The following RTL4 variants were observed in gnomAD, a reference collection of about 807,000 sequenced individuals.
The protein encoded by RTL4 is retrotransposon Gag-like protein 4.
In RTL4, 4 loss-of-function variants were observed where a neutral mutation model predicts 5.3. The ratio of observed to expected loss-of-function variants is 0.75; its 90% CI spans 0.37 to 1.72. The LOEUF (loss-of-function observed/expected upper bound fraction) is 1.72. RTL4 is among the 40% of genes most tolerant of loss of function. The probability of loss-of-function intolerance (pLI) is 0.04; values close to 1 mark genes in which losing one functional copy is unlikely to be tolerated. For synonymous variants in RTL4, 98 were observed against 87.3 expected, an observed-to-expected ratio of 1.12 and a Z score of -0.68; for missense variants, 260 against 227.1, an observed-to-expected ratio of 1.14 and a Z score of -0.93.
chrX:112,435,197 A>G, the RTL4 span, among the ~76,000 whole-genome samples: 1 of 111,352 alleles, frequency 9.0e-6, no homozygotes, highest in African/African-American at 3.3e-5. Context: ...AGCCAAAACC[A>G]TATTACTGGG....
chrX:112,110,477 T>C, the RTL4 span, among the ~76,000 whole-genome samples: 1 of 111,804 alleles, frequency 8.9e-6, no homozygotes, highest in Non-Finnish European at 1.9e-5. Context: ...GGCCCTGTGC[T>C]GATGGACTTG....
the RTL4 span, among the ~76,000 whole-genome samples, chrX:112,309,828 A>G: frequency 9.3e-6 from 1 of 107,781 alleles, no homozygotes; most frequent in East Asian, 3.0e-4. Flanking sequence ...ATATACATAT[A>G]TATACATATA....
chrX:112,400,473 C>T, the RTL4 span, among the ~76,000 whole-genome samples: 2 of 111,805 alleles, frequency 1.8e-5, no homozygotes, highest in Non-Finnish European at 3.8e-5. Flanking sequence ...ATACAGTTAA[C>T]TTTAAATGTC....
At chrX:112,449,873 G>A (rs1025443091), upstream of RTL4, among the ~76,000 whole-genome samples, 1 of 112,192 alleles carries the variant, frequency 8.9e-6, no homozygotes, top group Admixed American at 9.4e-5. Context: ...CAGAGAGAGC[G>A]AGTGACTTGC....
chrX:112,453,881 G>A (rs746608331), upstream of RTL4, among the ~76,000 whole-genome samples: 8 of 111,530 alleles, frequency 7.2e-5, no homozygotes. Flanking sequence ...CCATCATCAT[G>A]TCCAAGCAGT....
the RTL4 span, among the ~76,000 whole-genome samples, chrX:112,396,623 T>C: frequency 6.3e-5 from 7 of 111,503 alleles, no homozygotes; most frequent in African/African-American, 2.3e-4. Flanking sequence ...TAATTTCTCC[T>C]ATTATTAATA....
the RTL4 span, among the ~76,000 whole-genome samples, chrX:112,141,970 G>T: frequency 9.0e-6 from 1 of 111,480 alleles, no homozygotes; most frequent in Non-Finnish European, 1.9e-5. Context: ...TGGTTCTCTA[G>T]ACATATTAGA....
At chrX:112,155,723 T>G in the RTL4 span, among the ~76,000 whole-genome samples, 1 of 111,741 alleles carries the variant, frequency 8.9e-6, no homozygotes, top group African/African-American at 3.3e-5. Flanking sequence ...CTTAGATTGT[T>G]GCAAGTCTAT....
At chrX:112,151,770 A>G in the RTL4 span, among the ~76,000 whole-genome samples, 2 of 111,673 alleles carry the variant, frequency 1.8e-5, no homozygotes, top group African/African-American at 6.5e-5. Flanking sequence ...ATCCGTTCAA[A>G]GCAATGACTA....
the RTL4 span, among the ~76,000 whole-genome samples, chrX:112,164,526 C>T: frequency 2.7e-5 from 3 of 112,369 alleles, no homozygotes; most frequent in South Asian, 7.4e-4. Context: ...CTGACTTTCC[C>T]GCACACTTGT....
At chrX:112,087,551 T>C in the RTL4 span, among the ~76,000 whole-genome samples, 1 of 110,406 alleles carries the variant, frequency 9.1e-6, no homozygotes. Context: ...TGTGAAGGAG[T>C]AGTTGGTGAG....
chrX:112,292,238 C>CTCTGACGGAAACT, the RTL4 span, among the ~76,000 whole-genome samples: 24 of 111,779 alleles, frequency 2.1e-4, no homozygotes, highest in African/African-American at 7.5e-4. Context: ...GAGCTGAAAA[C>CTCTGACGGAAACT]CAGACGGAAA....
chrX:112,153,339 A>G, the RTL4 span, among the ~76,000 whole-genome samples: 6 of 112,363 alleles, frequency 5.3e-5, no homozygotes, highest in Admixed American at 5.6e-4. Flanking sequence ...ATTATTTGAC[A>G]AATGTCAATT....
At chrX:112,251,004 G>A in the RTL4 span, among the ~76,000 whole-genome samples, 1 of 112,076 alleles carries the variant, frequency 8.9e-6, no homozygotes. Context: ...GGTTATGAGA[G>A]TAATAGCTAC....
At chrX:112,437,827 T>A in the RTL4 span, among the ~76,000 whole-genome samples, 1 of 54,677 alleles carries the variant, frequency 1.8e-5, no homozygotes, top group African/African-American at 6.8e-5. Flanking sequence ...GTGGTGGTGG[T>A]GGTGGTGGTG....
At chrX:112,244,409 T>A in the RTL4 span, among the ~76,000 whole-genome samples, 5 of 112,055 alleles carry the variant, frequency 4.5e-5, no homozygotes, top group Admixed American at 9.5e-5. Flanking sequence ...TTAGGATAAT[T>A]AGGTCTTCTT....
At chrX:112,114,506 A>G in the RTL4 span, among the ~76,000 whole-genome samples, 4 of 111,816 alleles carry the variant, frequency 3.6e-5, no homozygotes, top group African/African-American at 1.3e-4. Context: ...TAGGACATCT[A>G]TATACCTATC....
At chrX:112,334,476 T>C in the RTL4 span, among the ~76,000 whole-genome samples, 9 of 111,874 alleles carry the variant, frequency 8.0e-5, no homozygotes, top group African/African-American at 2.9e-4. Flanking sequence ...GCATTTTATT[T>C]GAACATCATG....
the RTL4 span, among the ~76,000 whole-genome samples, chrX:112,326,380 G>A: frequency 2.7e-5 from 3 of 111,723 alleles, no homozygotes; most frequent in Non-Finnish European, 5.6e-5. Context: ...GCTAGTCAAA[G>A]AAAGCAGTGA....
Sources: gnomAD v4.1 joint callset for allele counts (sites outside exome capture counted in the v4.1 genomes callset) on GRCh38, gnomAD v4.1.1 for gene constraint, MANE v1.5 for transcripts, NCBI Gene and HGNC (gene_info 2026-07-23, HGNC 2026-07-21) for gene names.